Variants in NOXRED1 observed in about 807,000 individuals in gnomAD.
NOXRED1 encodes NADP-dependent oxidoreductase domain-containing protein 1.
A neutral mutation model predicts 30.4 loss-of-function variants in NOXRED1; 20 were observed. The observed-to-expected ratio is 0.66, with a 90% CI of 0.46 to 0.96. The LOEUF (loss-of-function observed/expected upper bound fraction) is 0.96. Among genes scored for constraint, NOXRED1 ranks in the 40% least tolerant of loss-of-function variants. The pLI is 0.00. For missense variants in NOXRED1, 374 were observed against 428.0 expected (o/e 0.87, Z 1.11); for synonymous variants, 155 against 168.0 (o/e 0.92, Z 0.60).
intron 1 of NOXRED1, among the ~76,000 whole-genome samples, chr14:77,419,430 T>G (rs1410959553): frequency 3.8e-4 from 55 of 145,088 alleles, no homozygotes; most frequent in African/African-American, 1.3e-3. Flanking sequence ...TTGACAGGTT[T>G]TTTTTTTTCT....
intron 1 of NOXRED1, among the ~76,000 whole-genome samples, chr14:77,414,605 T>A (rs139800468): frequency 5.3e-5 from 8 of 152,362 alleles, no homozygotes; most frequent in African/African-American, 1.2e-4. Flanking sequence ...CACTAGGGAA[T>A]GAAATGTTCC....
intron 2 of NOXRED1, among the ~76,000 whole-genome samples, chr14:77,407,932 A>C (rs1894525410): frequency 6.6e-6 from 1 of 150,384 alleles, no homozygotes; most frequent in Non-Finnish European, 1.5e-5. Context: ...CACTAGCGTA[A>C]TCTCGGCTCA....
chr14:77,424,055 A>T (rs1274392286), upstream of NOXRED1, among the ~76,000 whole-genome samples: 1 of 152,196 alleles, frequency 6.6e-6, no homozygotes, highest in African/African-American at 2.4e-5. Context: ...CCTATTCCAG[A>T]TATTTTATAT....
chr14:77,424,428 T>C (rs549559273), upstream of NOXRED1, among the ~76,000 whole-genome samples: 3 of 152,198 alleles, frequency 2.0e-5, no homozygotes, highest in South Asian at 4.1e-4. Context: ...GATTGCGCCA[T>C]TGTACTCCAG....
intron 4 of NOXRED1, 41 bp from the exon 5 acceptor site, chr14:77,406,176 A>T: frequency 7.1e-7 from 1 of 1,416,800 alleles, no homozygotes; most frequent in South Asian, 1.2e-5. Context: ...TAGCACCACC[A>T]AAAATGAGTT....
In NOXRED1 at chr14:77,413,803, T is replaced by G. The variant is rs530026718; in HGVS notation, c.349+131A>C. The G allele has an allele frequency of 1.1e-3, 589 of 555,154 alleles. 3 individuals are homozygous for G. The highest frequency in any genetic ancestry group is 6.4e-3 in the South Asian group (147 of 22,812). 34.4% of individuals were successfully genotyped at this position (555,154 alleles called of 1,614,324 possible). ...GAAAAGGCCATGCTTCTAACCTTTC[T>G]TAGGGCTAGCAAGCTGAGAACTCCA... On this transcript the variant is annotated intron_variant, in intron 2 of 5. Transcript: ENST00000380835.
chr14:77,405,434 C>G (rs4903582), intron 5 of NOXRED1, among the ~76,000 whole-genome samples: 1 of 151,956 alleles, frequency 6.6e-6, no homozygotes, highest in Non-Finnish European at 1.5e-5. Flanking sequence ...CAAAGCAGCC[C>G]GTAATGCAAA....
chr14:77,397,162 G>A (rs1894210781), intron 5 of NOXRED1, among the ~76,000 whole-genome samples: 1 of 152,160 alleles, frequency 6.6e-6, no homozygotes, highest in African/African-American at 2.4e-5. Context: ...CCTTCAACAG[G>A]TGAATGGTTA....
chr14:77,420,356 CT>C (rs1894956293), intron 1 of NOXRED1, among the ~76,000 whole-genome samples: 1 of 151,362 alleles, frequency 6.6e-6, no homozygotes, highest in African/African-American at 2.4e-5. Context: ...TATTGTTTTC[CT>C]GATTTCATCA....
At chr14:77,400,964 GAGA>G (rs533303251) in intron 5 of NOXRED1, among the ~76,000 whole-genome samples, 109 of 152,294 alleles carry the variant, frequency 7.2e-4, no homozygotes, top group African/African-American at 2.6e-3. Context: ...CATGTTCATG[GAGA>G]AGAAGACTCA....
chr14:77,407,931 A>C (rs1459811993), intron 2 of NOXRED1, among the ~76,000 whole-genome samples: 2 of 146,814 alleles, frequency 1.4e-5, no homozygotes, highest in Non-Finnish European at 3.0e-5. Flanking sequence ...ACACTAGCGT[A>C]ATCTCGGCTC....
chr14:77,408,120 G>C (rs914067696), intron 2 of NOXRED1, among the ~76,000 whole-genome samples: 1 of 152,204 alleles, frequency 6.6e-6, no homozygotes, highest in South Asian at 2.1e-4. Flanking sequence ...CGCCCATCTC[G>C]TCCGCCCAAA....
At chr14:77,405,768 A>T in intron 5 of NOXRED1, 145 bp downstream of exon 5, 1 of 608,430 alleles carries the variant, frequency 1.6e-6, no homozygotes, top group Non-Finnish European at 2.9e-6. Flanking sequence ...GATGGCATTT[A>T]CTTTTCCACT....
At position 77,407,418 on chromosome 14, in the gene NOXRED1, G is replaced by A. The variant is rs779533688; in HGVS notation, c.530+47C>T. On this transcript the variant is annotated intron_variant, in intron 3 of 5. Transcript: ENST00000380835. ...GGTGGGAGGCAGAAGTCAGAGATAA[G>A]GAGACAGAGCAGTTGTGCCAGTTCC... 7 of 1,407,164 alleles carry A rather than the reference G, an allele frequency of 5.0e-6. No individual in the cohort carries two copies. The Admixed American group carries it at 1.0e-4, about 21-fold the overall frequency. The allele number at this position is 1,407,164 out of a possible 1,614,324, so 87.2% of individuals were successfully genotyped here.
rs371020899 is a variant in NOXRED1, at chr14:77,418,415, G to A, written c.156-4288C>T. On this transcript the variant is annotated intron_variant, in intron 1 of 5. Coordinates refer to ENST00000380835, the MANE Select transcript of NOXRED1 (RefSeq NM_001113475.3). ...CCTCCCAAAGTGCTGGATTACAGGC[G>A]TAAGCCACCGTGCCAAGCCTATTTT... Among the ~76,000 whole-genome samples, 36 of 151,914 alleles carry A rather than the reference G, an allele frequency of 2.4e-4. 1 individual carries two copies. The highest frequency in any genetic ancestry group is 1.9e-3 in the East Asian group (10 of 5,180).
At chr14:77,414,938 A>G (rs1275928461) in intron 1 of NOXRED1, among the ~76,000 whole-genome samples, 2 of 152,080 alleles carry the variant, frequency 1.3e-5, no homozygotes, top group African/African-American at 2.4e-5. Context: ...GCACTTTGAG[A>G]GGCCAAGGCA....
At chr14:77,419,163 C>T (rs1461455708) in intron 1 of NOXRED1, among the ~76,000 whole-genome samples, 1 of 151,544 alleles carries the variant, frequency 6.6e-6, no homozygotes, top group Non-Finnish European at 1.5e-5. Flanking sequence ...CCTCTGCCTC[C>T]CTGGGTTCAA....
chr14:77,424,729 G>A (rs921690647), upstream of NOXRED1, among the ~76,000 whole-genome samples: 1 of 152,194 alleles, frequency 6.6e-6, no homozygotes, highest in African/African-American at 2.4e-5. Context: ...GTGGGGATCA[G>A]TTGTTATATT....
intron 1 of NOXRED1, among the ~76,000 whole-genome samples, chr14:77,419,437 TTC>T (rs1362854812): frequency 6.8e-6 from 1 of 146,032 alleles, no homozygotes; most frequent in East Asian, 2.2e-4. Context: ...GTTTTTTTTT[TTC>T]TTTTTCCTTT....
Sources: allele counts gnomAD v4.1 joint callset (sites outside exome capture counted in the v4.1 genomes callset), GRCh38; gene constraint gnomAD v4.1.1; transcripts MANE v1.5; gene names NCBI Gene and HGNC (gene_info 2026-07-23, HGNC 2026-07-21).